GNPTAB: variants seen among roughly 807,000 people sequenced by gnomAD.
GNPTAB encodes N-acetylglucosamine-1-phosphotransferase subunits alpha/beta.
A neutral mutation model predicts 136.6 loss-of-function variants in GNPTAB; 92 were observed. That is an observed-to-expected ratio of 0.67 (90% CI 0.57 to 0.80). The LOEUF (loss-of-function observed/expected upper bound fraction) is 0.80. GNPTAB is among the 30% of genes least tolerant of loss of function. GNPTAB has a pLI of 0.00. For missense variants in GNPTAB, 1,343 were observed against 1,501.8 expected, an observed-to-expected ratio of 0.89 and a Z score of 1.75; for synonymous variants, 512 against 535.1, an observed-to-expected ratio of 0.96 and a Z score of 0.60.
intron 1 of GNPTAB, among the ~76,000 whole-genome samples, chr12:101,824,418 ATATATATAT>A (rs890352770): frequency 9.4e-6 from 1 of 106,594 alleles, no homozygotes; most frequent in Non-Finnish European, 1.8e-5. Flanking sequence ...ATATATATAT[ATATATATAT>A]ATATATTTTC....
chr12:101,763,234 AAAAG>A (rs1328010053), intron 13 of GNPTAB, among the ~76,000 whole-genome samples: 7,648 of 88,040 alleles, frequency 0.087, 436 homozygotes, highest in African/African-American at 0.17. Context: ...AAAAAAAAAA[AAAAG>A]AAAGGAAAGG....
intron 15 of GNPTAB, 86 bp from the exon 16 acceptor site, chr12:101,760,229 CA>C: frequency 2.3e-6 from 2 of 862,714 alleles, no homozygotes; most frequent in Non-Finnish European, 3.9e-6. Context: ...TGAAAGCTTC[CA>C]AAAATGGTTT....
intron 1 of GNPTAB, among the ~76,000 whole-genome samples, chr12:101,802,593 T>C (rs1050673640): frequency 2.0e-5 from 3 of 152,014 alleles, no homozygotes; most frequent in Non-Finnish European, 4.4e-5. Context: ...ACTCCACAAG[T>C]CTGTTCTCGA....
chr12:101,793,674 C>T (rs1214059786), intron 2 of GNPTAB, among the ~76,000 whole-genome samples: 1 of 152,162 alleles, frequency 6.6e-6, no homozygotes, highest in Admixed American at 6.5e-5. Context: ...CTAAGTCACT[C>T]ATAACTCAGA....
intron 16 of GNPTAB, among the ~76,000 whole-genome samples, chr12:101,759,098 T>G (rs1952948801): frequency 6.6e-6 from 1 of 152,192 alleles, no homozygotes; most frequent in Admixed American, 6.5e-5. Flanking sequence ...GTGCAGTGGC[T>G]CACGCCTGTA....
chr12:101,828,701 A>G (rs982180496), intron 1 of GNPTAB, among the ~76,000 whole-genome samples: 1 of 147,534 alleles, frequency 6.8e-6, no homozygotes, highest in Admixed American at 6.8e-5. Flanking sequence ...AAAAACAAAC[A>G]AAAAAAAAAG....
At chr12:101,807,525 C>T (rs1869990241) in intron 1 of GNPTAB, among the ~76,000 whole-genome samples, 1 of 149,696 alleles carries the variant, frequency 6.7e-6, no homozygotes, top group African/African-American at 2.5e-5. Context: ...AAAAAAAAAA[C>T]TGTCTTTGTT....
intron 7 of GNPTAB, chr12:101,779,671 TTGA>T (rs1388382993): frequency 5.5e-6 from 1 of 183,006 alleles, no homozygotes; most frequent in Non-Finnish European, 1.2e-5. Flanking sequence ...GCTGTGTGCA[TTGA>T]TGACATTTAT....
chr12:101,790,206 T>C (rs2137150623), intron 2 of GNPTAB, 149 bp from the exon 3 acceptor site: 1 of 1,075,998 alleles, frequency 9.3e-7, no homozygotes, highest in South Asian at 1.4e-5. Flanking sequence ...AACTGCATGT[T>C]TTCAAACTGT....
At chr12:101,762,529 C>T (rs1025187912) in intron 13 of GNPTAB, among the ~76,000 whole-genome samples, 4 of 152,094 alleles carry the variant, frequency 2.6e-5, no homozygotes, top group Admixed American at 6.6e-5. Flanking sequence ...CAAGAGAATT[C>T]ACTGCAACAC....
intron 18 of GNPTAB, chr12:101,756,489 G>A: frequency 2.5e-6 from 1 of 398,868 alleles, no homozygotes; most frequent in South Asian, 1.8e-5. Flanking sequence ...TGGGAGGATT[G>A]CTTGAGCCCA....
Position 101,764,552 on chromosome 12 carries a change from T to A in GNPTAB, c.2365A>T (p.Thr789Ser). The stretch of plus-strand genomic sequence containing the variant: ...ACTTTTACACTCACTGCAGGAAAAG[T>A]CAACCTCTGCAATCTTTCAGACACT... ...LGVSERLQRL[T>S]FPAVSVKVNG... The change falls in exon 13 of 21, where the codon ACT becomes TCT. Residue 789 changes from threonine (T) to serine (S), a missense_variant. Transcript: ENST00000299314. 1 of 1,613,350 alleles carries A rather than the reference T, an allele frequency of 6.2e-7. No homozygotes were observed. Among genetic ancestry groups the A allele is most frequent in the Non-Finnish European group, 8.5e-7 (1 of 1,179,810 alleles).
At chr12:101,807,087 C>A (rs999442411) in intron 1 of GNPTAB, among the ~76,000 whole-genome samples, 1 of 152,168 alleles carries the variant, frequency 6.6e-6, no homozygotes, top group Admixed American at 6.5e-5. Context: ...TTTACCACAA[C>A]CAACTGGGAT....
chr12:101,798,734 G>A (rs1002284426), intron 1 of GNPTAB, among the ~76,000 whole-genome samples: 3 of 152,142 alleles, frequency 2.0e-5, no homozygotes, highest in Admixed American at 6.5e-5. Flanking sequence ...CACATGTTGC[G>A]AGTATCTGTA....
At chr12:101,777,678 T>C (rs138039531) in intron 7 of GNPTAB, among the ~76,000 whole-genome samples, 39 of 152,332 alleles carry the variant, frequency 2.6e-4, no homozygotes, top group African/African-American at 8.7e-4. Context: ...GAGCTCATCA[T>C]ACACACAAAA....
chr12:101,829,367 C>A lies in GNPTAB; in HGVS notation c.117+1192G>T, dbSNP rs189550075. ...GTGCATGGTGGTACGCGCCTGTAGT[C>A]CCAGCTACTCAGGAGGCTGAGGTAG... On this transcript the variant is annotated intron_variant, in intron 1 of 20. Coordinates refer to ENST00000299314, the MANE Select transcript of GNPTAB (RefSeq NM_024312.5). Among the ~76,000 whole-genome samples, 16 of 152,192 alleles carry A rather than the reference C, an allele frequency of 1.1e-4. No homozygotes were observed. The East Asian group carries it at 2.5e-3, about 24-fold the overall frequency.
intron 1 of GNPTAB, among the ~76,000 whole-genome samples, chr12:101,798,983 T>C (rs1046194568): frequency 2.6e-5 from 4 of 152,110 alleles, no homozygotes; most frequent in East Asian, 1.9e-4. Flanking sequence ...GTACCATAGA[T>C]TGAGGTCTGC....
At chr12:101,747,902 A>C (rs1321703541) in intron 20 of GNPTAB, among the ~76,000 whole-genome samples, 1 of 151,960 alleles carries the variant, frequency 6.6e-6, no homozygotes, top group Non-Finnish European at 1.5e-5. Flanking sequence ...ACTGGTATAG[A>C]TAGAGGAAAG....
intron 1 of GNPTAB, among the ~76,000 whole-genome samples, chr12:101,820,884 C>G (rs919441837): frequency 1.5e-4 from 23 of 151,952 alleles, no homozygotes; most frequent in African/African-American, 5.6e-4. Flanking sequence ...CAGTGAAACC[C>G]CATCTCTATT....
Sources: allele counts gnomAD v4.1 joint callset (sites outside exome capture counted in the v4.1 genomes callset), GRCh38; gene constraint gnomAD v4.1.1; transcripts MANE v1.5; gene names NCBI Gene and HGNC (gene_info 2026-07-23, HGNC 2026-07-21).